PPFIA1: variants seen among roughly 807,000 people sequenced by gnomAD.
PPFIA1 encodes the protein liprin-alpha-1.
A neutral mutation model predicts 149.9 loss-of-function variants in PPFIA1; 25 were observed. The observed-to-expected ratio is 0.17, with a 90% CI of 0.12 to 0.23. The LOEUF (loss-of-function observed/expected upper bound fraction) is 0.23. PPFIA1 is among the 10% of genes least tolerant of loss of function. The pLI, the probability that PPFIA1 is intolerant of heterozygous loss-of-function variation, is 1.00. For synonymous variants in PPFIA1, 549 were observed against 552.8 expected, an observed-to-expected ratio of 0.99 and a Z score of 0.10; for missense variants, 1,362 against 1,506.5, an observed-to-expected ratio of 0.90 and a Z score of 1.59.
chr11:70,351,035 A>C, intron 16 of PPFIA1: 1 of 1,226,852 alleles, frequency 8.2e-7, no homozygotes, highest in Non-Finnish European at 1.1e-6. Context: ...TAAATTGTTT[A>C]GTAATTTAAC....
At chr11:70,279,464 A>G (rs918532833) in intron 2 of PPFIA1, among the ~76,000 whole-genome samples, 4 of 152,138 alleles carry the variant, frequency 2.6e-5, no homozygotes, top group South Asian at 2.1e-4. Flanking sequence ...TATTTGTTGT[A>G]TTGGTGGCCT....
chr11:70,355,574 C>A, intron 17 of PPFIA1, 65 bp from the exon 18 acceptor site: 4 of 1,452,802 alleles, frequency 2.8e-6, no homozygotes, highest in Non-Finnish European at 3.7e-6. Context: ...GGGAAGTTTG[C>A]GACTGTTAAT....
intron 2 of PPFIA1, chr11:70,320,177 C>G (rs1419566930): frequency 6.6e-6 from 1 of 152,266 alleles, no homozygotes; most frequent in Non-Finnish European, 1.5e-5. Flanking sequence ...TGCATCTCCC[C>G]TCCAAACACA....
At chr11:70,347,702 T>C (rs2055799729) in intron 15 of PPFIA1, among the ~76,000 whole-genome samples, 1 of 151,992 alleles carries the variant, frequency 6.6e-6, no homozygotes, top group South Asian at 2.1e-4. Flanking sequence ...TGAGACCCTG[T>C]CTGAAAAAAT....
intron 2 of PPFIA1, among the ~76,000 whole-genome samples, chr11:70,285,602 C>T (rs2051056892): frequency 6.6e-6 from 1 of 151,228 alleles, no homozygotes; most frequent in African/African-American, 2.4e-5. Context: ...ATCGCTTGAA[C>T]CTGGGAGGTG....
intron 24 of PPFIA1, 68 bp downstream of exon 24, chr11:70,375,161 AT>A: frequency 1.9e-6 from 1 of 527,920 alleles, no homozygotes; most frequent in Non-Finnish European, 2.7e-6. Flanking sequence ...ACAGCTAGTT[AT>A]TCGAATAGAA....
chr11:70,377,085 C>T (rs1246883543), intron 25 of PPFIA1, among the ~76,000 whole-genome samples: 10 of 151,446 alleles, frequency 6.6e-5, no homozygotes, highest in African/African-American at 1.7e-4. Context: ...AAAGAAACCC[C>T]CTCCCCGCAA....
At chr11:70,283,479 A>G (rs539303259) in intron 2 of PPFIA1, among the ~76,000 whole-genome samples, 1 of 152,276 alleles carries the variant, frequency 6.6e-6, no homozygotes, top group East Asian at 1.9e-4. Context: ...TCAAATCCAA[A>G]CTTAGTGAAA....
At chr11:70,293,240 G>C (rs2051658494) in intron 2 of PPFIA1, among the ~76,000 whole-genome samples, 1 of 152,128 alleles carries the variant, frequency 6.6e-6, no homozygotes, top group Non-Finnish European at 1.5e-5. Context: ...TTAATCCAAG[G>C]CATTCAAAGT....
chr11:70,312,983 G>A (rs1272503443), intron 2 of PPFIA1, among the ~76,000 whole-genome samples: 1 of 152,222 alleles, frequency 6.6e-6, no homozygotes, highest in Non-Finnish European at 1.5e-5. Flanking sequence ...GCCTCAAGCT[G>A]TGAACATCAG....
At chr11:70,295,567 C>T (rs1325598602) in intron 2 of PPFIA1, among the ~76,000 whole-genome samples, 1 of 145,584 alleles carries the variant, frequency 6.9e-6, no homozygotes, top group African/African-American at 2.6e-5. Context: ...GGCTGACCCC[C>T]CCACCTCCCT....
chr11:70,356,788 A>G (rs1249260550), intron 19 of PPFIA1, among the ~76,000 whole-genome samples: 1 of 152,234 alleles, frequency 6.6e-6, no homozygotes, highest in Non-Finnish European at 1.5e-5. Context: ...GGTCTGTCCG[A>G]AACAGTCGCC....
chr11:70,343,855 C>T lies in PPFIA1; in HGVS notation c.1894C>T (p.Leu632Phe). 6.2e-7 allele frequency: 1 copy of T among 1,614,120 alleles called. No homozygotes were observed. Among genetic ancestry groups the T allele is most frequent in the Non-Finnish European group, 8.5e-7 (1 of 1,180,022 alleles). The change falls in exon 15 of 28, where the codon CTT becomes TTT. Residue 632 changes from leucine to phenylalanine, a missense_variant. Leu to Phe is a conservative substitution (Grantham distance 22, BLOSUM62 0). Transcript: ENST00000253925. ...CGACGCGCACACACTAGCCATGATG[C>T]TTCAGGAGCAGCTGGACGCCATCAA... ...QADAHTLAMM[L>F]QEQLDAINKE...
chr11:70,341,278 G>C (rs1480119523), intron 14 of PPFIA1, among the ~76,000 whole-genome samples: 1 of 150,130 alleles, frequency 6.7e-6, no homozygotes, highest in Non-Finnish European at 1.5e-5. Context: ...AGTCAGTATA[G>C]TGAGGGTGAC....
rs144260943 is a variant in PPFIA1, at chr11:70,282,035, C to CT, written c.264+9611dup. The stretch of plus-strand genomic sequence containing the variant: ...TCGCTTAGGCTACCTTGTCCAGTTT[C>CT]TTTTTTTTTTTTCCAGTCTGCTTCT... On this transcript the variant is annotated intron_variant, in intron 2 of 27. Transcript: ENST00000253925. Among the ~76,000 whole-genome samples, 709 of 146,474 alleles carry CT rather than the reference C, an allele frequency of 4.8e-3. 5 individuals are homozygous for CT. Among genetic ancestry groups the CT allele is most frequent in the African/African-American group, 0.014 (582 of 40,190 alleles).
At chr11:70,300,907 G>A (rs1591119864) in intron 2 of PPFIA1, among the ~76,000 whole-genome samples, 2 of 152,252 alleles carry the variant, frequency 1.3e-5, no homozygotes, top group South Asian at 2.1e-4. Flanking sequence ...AAGCCATGAG[G>A]GGGCAAAAGA....
At chr11:70,311,603 A>G (rs906291665) in intron 2 of PPFIA1, among the ~76,000 whole-genome samples, 1 of 152,120 alleles carries the variant, frequency 6.6e-6, no homozygotes, top group African/African-American at 2.4e-5. Flanking sequence ...GCTGCGGGAC[A>G]CCTGTCGAGC....
chr11:70,271,249 G>T (rs1253249891), intron 1 of PPFIA1: 2 of 152,302 alleles, frequency 1.3e-5, no homozygotes, highest in Non-Finnish European at 2.9e-5. Context: ...GGGGTTCGGG[G>T]CTTCCGCCGC....
chr11:70,380,679 G>A (rs2057676782), intron 26 of PPFIA1, among the ~76,000 whole-genome samples: 1 of 150,614 alleles, frequency 6.6e-6, no homozygotes, highest in African/African-American at 2.4e-5. Context: ...AGGTTGCAGT[G>A]AGCCGAAATC....
Sources: allele counts gnomAD v4.1 joint callset (sites outside exome capture counted in the v4.1 genomes callset), GRCh38; gene constraint gnomAD v4.1.1; transcripts MANE v1.5; gene names NCBI Gene and HGNC (gene_info 2026-07-23, HGNC 2026-07-21).